The following AKAP8 variants were observed in gnomAD, a reference collection of about 807,000 sequenced individuals.
AKAP8 encodes the protein A-kinase anchor protein 8.
A neutral mutation model predicts 67.5 loss-of-function variants in AKAP8; 24 were observed. The ratio of observed to expected loss-of-function variants is 0.36; its 90% CI spans 0.26 to 0.50. The LOEUF is 0.50. Among genes scored for constraint, AKAP8 ranks in the 20% least tolerant of loss-of-function variants. AKAP8 has a pLI of 0.97. For synonymous variants in AKAP8, 400 were observed against 371.1 expected, an observed-to-expected ratio of 1.08 and a Z score of -0.90; for missense variants, 971 against 955.9, an observed-to-expected ratio of 1.02 and a Z score of -0.21.
intron 1 of AKAP8, among the ~76,000 whole-genome samples, chr19:15,378,306 G>C (rs1394915268): frequency 6.6e-6 from 1 of 152,182 alleles, no homozygotes; most frequent in Admixed American, 6.5e-5. Flanking sequence ...AACCTCGAGA[G>C]ACTGCTTCTC....
chr19:15,367,675 A>C (rs1967091568), intron 9 of AKAP8, among the ~76,000 whole-genome samples: 2 of 152,256 alleles, frequency 1.3e-5, no homozygotes, highest in South Asian at 2.1e-4. Context: ...TGGTGTGCTC[A>C]CAATGACATC....
At chr19:15,379,333 T>G in intron 1 of AKAP8, 2 of 236,042 alleles carry the variant, frequency 8.5e-6, no homozygotes, top group Non-Finnish European at 8.1e-6. Flanking sequence ...GCGCCGCCAT[T>G]TTGTGGCGTC....
chr19:15,356,498 T>C (rs2048279568), intron 13 of AKAP8, among the ~76,000 whole-genome samples: 1 of 152,108 alleles, frequency 6.6e-6, no homozygotes, highest in South Asian at 2.1e-4. Context: ...GTACAGTGGC[T>C]CACGCCTGTA....
At chr19:15,375,938 T>TC (rs1491358832) in intron 2 of AKAP8, among the ~76,000 whole-genome samples, 1 of 140,088 alleles carries the variant, frequency 7.1e-6, no homozygotes, top group Non-Finnish European at 1.5e-5. Flanking sequence ...GTGCCTGGCC[T>TC]TTTTTTTTTT....
At chr19:15,367,649 G>A (rs569071845) in intron 9 of AKAP8, among the ~76,000 whole-genome samples, 65 of 152,380 alleles carry the variant, frequency 4.3e-4, no homozygotes, top group Middle Eastern at 3.4e-3. Context: ...ACTCCTGGCA[G>A]GGAGAGGCAG....
chr19:15,374,119 T>A (rs1967211096), intron 3 of AKAP8, 54 bp from the exon 4 acceptor site: 1 of 1,516,140 alleles, frequency 6.6e-7, no homozygotes, highest in Non-Finnish European at 8.8e-7. Flanking sequence ...GGCCTGTCCA[T>A]GGTGGACACA....
At chr19:15,363,465 C>T (rs1387528670) in intron 9 of AKAP8, among the ~76,000 whole-genome samples, 1 of 149,024 alleles carries the variant, frequency 6.7e-6, no homozygotes. Context: ...GGCCAGCCGC[C>T]CCGTCCGGGA....
intron 13 of AKAP8, among the ~76,000 whole-genome samples, chr19:15,357,316 G>A (rs1966897116): frequency 1.4e-5 from 2 of 147,912 alleles, no homozygotes; most frequent in Non-Finnish European, 3.0e-5. Context: ...GTAGTCCCAG[G>A]TACTCAGGAG....
At chr19:15,360,786 A>G in intron 12 of AKAP8, 62 bp downstream of exon 12, 1 of 1,564,488 alleles carries the variant, frequency 6.4e-7, no homozygotes, top group South Asian at 1.2e-5. Flanking sequence ...CATAAGACAC[A>G]GCAGGCTCTG....
At chr19:15,371,573 C>T (rs925642881) in intron 7 of AKAP8, among the ~76,000 whole-genome samples, 9 of 151,938 alleles carry the variant, frequency 5.9e-5, no homozygotes, top group African/African-American at 2.2e-4. Context: ...ACTGCAACCT[C>T]CACCTCCCAG....
At position 15,373,976 on chromosome 19, in the gene AKAP8, C is replaced by T. The variant is rs773531995; in HGVS notation, c.181G>A (p.Ala61Thr). 22 of 1,613,164 alleles carry T rather than the reference C, an allele frequency of 1.4e-5. No homozygotes were observed. The highest frequency in any genetic ancestry group is 8.8e-5 in the South Asian group (8 of 91,046). ...GCCAGGCCGCCATCATTGGCCTTGG[C>T]GGCCTCCCACGAGGCTGGGCCGTAG... ...YSYGPASWEA[A>T]KANDGGLAAG... is the part of the protein sequence containing the mutation. Residue 61 changes from alanine to threonine, a missense_variant, in exon 4 of 14, where the codon GCC becomes ACC. Around this residue, in one of 3 missense-constraint regions of AKAP8, gnomAD observed 763 missense variants for 745.4 expected, o/e 1.02. Transcript: ENST00000269701.
At chr19:15,368,124 G>C (rs1245177683) in intron 9 of AKAP8, 111 bp downstream of exon 9, 17 of 1,417,246 alleles carry the variant, frequency 1.2e-5, no homozygotes, top group Non-Finnish European at 1.5e-5. Context: ...TTTGGCCAGA[G>C]GAGTCAGGCC....
In AKAP8 at chr19:15,372,248, C is replaced by T. The variant is rs767123360; in HGVS notation, c.961G>A (p.Val321Ile). 1.6e-5 allele frequency: 26 copies of T among 1,614,114 alleles called. No individual in the cohort carries two copies. The highest frequency in any genetic ancestry group is 1.9e-5 in the Non-Finnish European group (22 of 1,180,056). Reference sequence around the variant, plus strand: ...TCGGAGAAATCTCCTTCACTGTCAACCCGGGCCAGTTTGGTGTCTGGCTCC... The same window carrying T: ...TCGGAGAAATCTCCTTCACTGTCAATCCGGGCCAGTTTGGTGTCTGGCTCC... ...YEEPDTKLAR[V>I]DSEGDFSEND... The change falls in exon 6 of 14, where the codon GTT becomes ATT. Residue 321 changes from valine (V) to isoleucine (I), a missense_variant. Transcript: ENST00000269701.
At chr19:15,358,889 T>G in intron 13 of AKAP8, 78 bp downstream of exon 13, 1 of 1,328,226 alleles carries the variant, frequency 7.5e-7, no homozygotes. Context: ...TGCTGCACTC[T>G]GGATTCAACT....
intron 13 of AKAP8, among the ~76,000 whole-genome samples, chr19:15,356,106 A>G (rs2048276561): frequency 6.6e-6 from 1 of 152,004 alleles, no homozygotes; most frequent in South Asian, 2.1e-4. Flanking sequence ...ATGTTTTTTA[A>G]AAAAGGGCAT....
chr19:15,372,809 A>G (rs1967182182), intron 5 of AKAP8, 42 bp downstream of exon 5: 1 of 1,478,428 alleles, frequency 6.8e-7, no homozygotes, highest in Non-Finnish European at 8.9e-7. Flanking sequence ...GCTGCTAAAA[A>G]GAGAAGCGAA....
chr19:15,363,351 G>GT (rs1444432844), intron 9 of AKAP8, among the ~76,000 whole-genome samples: 1 of 59,454 alleles, frequency 1.7e-5, no homozygotes, highest in African/African-American at 6.9e-5. Context: ...CCGGGAGGGA[G>GT]GTGGGGGGGG....
At chr19:15,367,496 C>T (rs1384440429) in intron 9 of AKAP8, among the ~76,000 whole-genome samples, 1 of 152,166 alleles carries the variant, frequency 6.6e-6, no homozygotes, top group Admixed American at 6.5e-5. Flanking sequence ...CTATTGCACT[C>T]CAGCCTGGGC....
At chr19:15,355,754 TG>T in intron 13 of AKAP8, among the ~76,000 whole-genome samples, 1 of 151,848 alleles carries the variant, frequency 6.6e-6, no homozygotes, top group African/African-American at 2.4e-5. Flanking sequence ...TTTTTTTTTT[TG>T]AGACGGAGTT....
Sources: gnomAD v4.1 joint callset for allele counts (sites outside exome capture counted in the v4.1 genomes callset) on GRCh38, gnomAD v4.1.1 for gene constraint, gnomAD v4.1.1 regional missense constraint, MANE v1.5 for transcripts, NCBI Gene and HGNC (gene_info 2026-07-23, HGNC 2026-07-21) for gene names.